APC: variants seen among roughly 807,000 people sequenced by gnomAD.
APC encodes adenomatous polyposis coli protein.
APC carries 72 observed loss-of-function variants against 247.0 expected under a neutral mutation model. That is an observed-to-expected ratio of 0.29 (90% CI 0.24 to 0.35). The LOEUF (loss-of-function observed/expected upper bound fraction) is 0.35. Ranked by LOEUF, APC falls within the 10% of genes least tolerant of loss-of-function variation. The pLI is 1.00. For missense variants in APC, 3,400 were observed against 3,360.7 expected (o/e 1.01, Z -0.29); for synonymous variants, 1,254 against 1,162.5 (o/e 1.08, Z -1.60).
Position 112,774,221 on chromosome 5 carries a change from C to T in APC, c.423-1408C>T, listed in dbSNP as rs190262341. Among the ~76,000 whole-genome samples the T allele has an allele frequency of 8.6e-5, 13 of 151,988 alleles. No individual in the cohort carries two copies. In the East Asian group the frequency reaches 2.5e-3, roughly 29 times the overall value. On this transcript the variant is annotated intron_variant, in intron 4 of 15. Transcript: ENST00000257430. ...AGGGAATTCTTGGAATATTATGTAG[C>T]TAACAAAAAAAATACCTAGTATAGA...
At chr5:112,711,339 A>G (rs562508703) in intron 1 of APC, among the ~76,000 whole-genome samples, 1 of 152,286 alleles carries the variant, frequency 6.6e-6, no homozygotes, top group African/African-American at 2.4e-5. Flanking sequence ...TCCCCCACCC[A>G]ACTCCTGTCC....
intron 11 of APC, among the ~76,000 whole-genome samples, chr5:112,823,724 G>A (rs1020607046): frequency 2.6e-5 from 4 of 152,154 alleles, no homozygotes; most frequent in African/African-American, 7.2e-5. Flanking sequence ...CCCAGAAACT[G>A]TGCTAGGCAC....
chr5:112,708,901 A>G (rs868150785), intron 1 of APC, among the ~76,000 whole-genome samples: 1 of 152,182 alleles, frequency 6.6e-6, no homozygotes, highest in Non-Finnish European at 1.5e-5. Context: ...GGTGTAAAAA[A>G]CTGTCCTAAA....
At chr5:112,722,839 C>T (rs1751559487) in intron 1 of APC, among the ~76,000 whole-genome samples, 1 of 152,136 alleles carries the variant, frequency 6.6e-6, no homozygotes, top group African/African-American at 2.4e-5. Flanking sequence ...TATATGGAAG[C>T]TGTCTGAACC....
At chr5:112,744,308 C>G (rs1056097132) in intron 1 of APC, among the ~76,000 whole-genome samples, 4 of 152,084 alleles carry the variant, frequency 2.6e-5, no homozygotes, top group African/African-American at 4.8e-5. Flanking sequence ...GAACTTGTGC[C>G]CTCTCTTTCT....
At chr5:112,810,378 A>G (rs1193233320) in intron 8 of APC, 1 of 257,122 alleles carries the variant, frequency 3.9e-6, no homozygotes, top group Non-Finnish European at 7.8e-6. Flanking sequence ...TTTTCTATAA[A>G]GTAGAAGGTA....
intron 1 of APC, among the ~76,000 whole-genome samples, chr5:112,754,388 T>C (rs942464436): frequency 1.3e-5 from 2 of 152,214 alleles, no homozygotes; most frequent in African/African-American, 4.8e-5. Flanking sequence ...TGTGTAAGAT[T>C]AGCCTTTTAT....
intron 7 of APC, among the ~76,000 whole-genome samples, chr5:112,799,030 T>C (rs775217083): frequency 1.3e-5 from 2 of 151,760 alleles, no homozygotes; most frequent in Non-Finnish European, 2.9e-5. Context: ...ACCAACATGG[T>C]GAAACCCTGT....
chr5:112,829,571 T>C (rs957641471), intron 14 of APC: 2 of 154,126 alleles, frequency 1.3e-5, no homozygotes, highest in Admixed American at 6.4e-5. Flanking sequence ...CTCAGCACTA[T>C]AGACATTTTT....
intron 1 of APC, among the ~76,000 whole-genome samples, chr5:112,747,230 C>A (rs1226478167): frequency 8.8e-6 from 1 of 113,426 alleles, no homozygotes; most frequent in African/African-American, 3.3e-5. Flanking sequence ...AGGCATAGGA[C>A]CTTTTTCTTG....
In APC at chr5:112,767,220, A is replaced by G. The variant is rs375051600; in HGVS notation, c.252A>G (p.Gly84=). Residue 84 remains glycine (G), a synonymous_variant, in exon 4 of 16, where the codon GGA becomes GGG. Transcript: ENST00000257430. ...ELNLDSSNFP[G]VKLRSKMSLR... is the part of the protein sequence containing the mutation. ...ACTTAGATAGCAGTAATTTCCCTGG[A>G]GTAAAACTGCGGTCAAAAATGTCCC... The G allele has an allele frequency of 8.1e-6, 13 of 1,614,056 alleles. No homozygotes were observed. Among genetic ancestry groups the G allele is most frequent in the Non-Finnish European group, 1.1e-5 (13 of 1,180,030 alleles).
intron 10 of APC, among the ~76,000 whole-genome samples, chr5:112,821,000 A>T (rs1183195229): frequency 6.7e-6 from 1 of 150,210 alleles, no homozygotes. Context: ...AGTATCTGGG[A>T]CTACAAGCAT....
Position 112,780,936 on chromosome 5 carries a change from G to A in APC, c.645+33G>A, listed in dbSNP as rs200162147. The A allele has an allele frequency of 3.5e-4, 478 of 1,356,504 alleles. 1 individual carries two copies. Among genetic ancestry groups the A allele is most frequent in the Admixed American group, 4.7e-4 (27 of 57,814 alleles). 84.0% of individuals were successfully genotyped at this position (1,356,504 alleles called of 1,614,324 possible). On this transcript the variant is annotated intron_variant, in intron 6 of 15. Coordinates refer to ENST00000257430, the MANE Select transcript of APC (RefSeq NM_000038.6). ...ACTTGTTTCTAAGTGATAAAACAGC[G>A]AAGAGCTATTAGGAATAAAATGAAT...
chr5:112,796,529 T>G (rs903749019), intron 7 of APC, among the ~76,000 whole-genome samples: 3 of 152,144 alleles, frequency 2.0e-5, no homozygotes, highest in Non-Finnish European at 4.4e-5. Context: ...ATGACTGTCT[T>G]AAGCAAATAT....
intron 8 of APC, among the ~76,000 whole-genome samples, chr5:112,805,055 T>C (rs1019625039): frequency 2.0e-5 from 3 of 152,020 alleles, no homozygotes; most frequent in African/African-American, 4.8e-5. Context: ...ATTATACATA[T>C]GTATAATGTG....
At chr5:112,756,893 A>G (rs1033160314) in intron 2 of APC, among the ~76,000 whole-genome samples, 1 of 152,200 alleles carries the variant, frequency 6.6e-6, no homozygotes, top group Non-Finnish European at 1.5e-5. Flanking sequence ...AGATTTTTAA[A>G]TACTTGTATT....
Position 112,835,975 on chromosome 5 carries a change from G to A in APC, c.1958+810G>A, listed in dbSNP as rs565749220. On this transcript the variant is annotated intron_variant, in intron 15 of 15. Transcript: ENST00000257430. ...TACAGGGCACACATTTTCAGAACTC[G>A]GATGCTGTATTATATCAACAAAAAT... Among the ~76,000 whole-genome samples, 6 of 149,882 alleles carry A rather than the reference G, an allele frequency of 4.0e-5. No individual in the cohort carries two copies. The South Asian group carries it at 1.1e-3, about 26-fold the overall frequency.
At chr5:112,718,234 G>A (rs936366575) in intron 1 of APC, among the ~76,000 whole-genome samples, 7 of 152,050 alleles carry the variant, frequency 4.6e-5, no homozygotes, top group Non-Finnish European at 8.8e-5. Context: ...TCTCTAGGAA[G>A]CTGATTCAGT....
At chr5:112,814,697 T>C (rs1259509876) in intron 8 of APC, among the ~76,000 whole-genome samples, 1 of 152,124 alleles carries the variant, frequency 6.6e-6, no homozygotes, top group East Asian at 1.9e-4. Flanking sequence ...ATTGTACCAT[T>C]CTCCTGCCTG....
Sources: allele counts gnomAD v4.1 joint callset (sites outside exome capture counted in the v4.1 genomes callset), GRCh38; gene constraint gnomAD v4.1.1; transcripts MANE v1.5; gene names NCBI Gene and HGNC (gene_info 2026-07-23, HGNC 2026-07-21).